The following L3MBTL3 variants were observed in gnomAD, a reference collection of about 807,000 sequenced individuals.
L3MBTL3 encodes the protein lethal(3)malignant brain tumor-like protein 3.
Under a neutral mutation model 102.3 loss-of-function variants are expected in L3MBTL3, and 27 were observed. The observed-to-expected ratio is 0.26, with a 90% CI of 0.19 to 0.36. The LOEUF (loss-of-function observed/expected upper bound fraction) is 0.36, where lower values mean the gene tolerates loss of function less well. L3MBTL3 is among the 10% of genes least tolerant of loss of function. The probability of loss-of-function intolerance (pLI) is 1.00; values close to 1 mark genes in which losing one functional copy is unlikely to be tolerated. For missense variants in L3MBTL3, 798 were observed against 955.3 expected (o/e 0.84, Z 2.17); for synonymous variants, 340 against 320.9 (o/e 1.06, Z -0.64).
chr6:130,021,133 A>G (rs1473573704), intron 1 of L3MBTL3, among the ~76,000 whole-genome samples: 1 of 152,094 alleles, frequency 6.6e-6, no homozygotes, highest in Non-Finnish European at 1.5e-5. Context: ...AGTTTTTAGA[A>G]AAACACTGAC....
intron 20 of L3MBTL3, among the ~76,000 whole-genome samples, chr6:130,130,613 G>T (rs1786943635): frequency 6.6e-6 from 1 of 152,120 alleles, no homozygotes; most frequent in Non-Finnish European, 1.5e-5. Flanking sequence ...AAAAGAAAAA[G>T]AGAATAAAAA....
chr6:130,103,658 A>G (rs1485929681), intron 18 of L3MBTL3, among the ~76,000 whole-genome samples: 1 of 152,244 alleles, frequency 6.6e-6, no homozygotes, highest in Non-Finnish European at 1.5e-5. Context: ...GAGATACAGC[A>G]GTTGCCCAGT....
intron 3 of L3MBTL3, among the ~76,000 whole-genome samples, chr6:130,045,892 A>G (rs1296455120): frequency 6.6e-6 from 1 of 152,252 alleles, no homozygotes. Flanking sequence ...GTCCACTGAC[A>G]TTCTTGAAAA....
At chr6:130,128,750 C>G (rs1042700009) in intron 20 of L3MBTL3, among the ~76,000 whole-genome samples, 5 of 152,150 alleles carry the variant, frequency 3.3e-5, no homozygotes, top group Admixed American at 3.3e-4. Flanking sequence ...GATGATAACT[C>G]AGAAGGAATC....
At chr6:130,045,624 A>G (rs928629083) in intron 3 of L3MBTL3, among the ~76,000 whole-genome samples, 8 of 152,192 alleles carry the variant, frequency 5.3e-5, no homozygotes, top group Non-Finnish European at 1.0e-4. Context: ...CACCTGCTAT[A>G]CTGCTGTCTA....
intron 20 of L3MBTL3, among the ~76,000 whole-genome samples, chr6:130,131,910 C>T (rs1452160050): frequency 6.6e-6 from 1 of 152,118 alleles, no homozygotes; most frequent in Admixed American, 6.6e-5. Flanking sequence ...GTATCTTGTC[C>T]ACATCTCCTA....
At chr6:130,132,176 C>T (rs932758909) in intron 20 of L3MBTL3, among the ~76,000 whole-genome samples, 9 of 152,132 alleles carry the variant, frequency 5.9e-5, no homozygotes, top group African/African-American at 2.2e-4. Flanking sequence ...AAAAACCATA[C>T]AAGAAAGAGA....
At chr6:130,039,359 A>G (rs936251359) in intron 2 of L3MBTL3, among the ~76,000 whole-genome samples, 2 of 152,128 alleles carry the variant, frequency 1.3e-5, no homozygotes, top group Non-Finnish European at 2.9e-5. Context: ...AAAATATCCA[A>G]TTTGGCATTC....
chr6:130,018,982 A>G (rs1383426455), intron 1 of L3MBTL3, among the ~76,000 whole-genome samples: 1 of 151,826 alleles, frequency 6.6e-6, no homozygotes, highest in Non-Finnish European at 1.5e-5. Flanking sequence ...AGAGGAACAA[A>G]AGAGAGAGAA....
rs559854825 is a variant in L3MBTL3 at position 130,083,628 on chromosome 6, A to G, written c.1330A>G (p.Asn444Asp). The G allele has an allele frequency of 6.6e-6, 10 of 1,503,936 alleles. 1 individual carries two copies. In the South Asian group the frequency reaches 9.9e-5, roughly 15 times the overall value. The allele number at this position is 1,503,936 out of a possible 1,614,324, so 93.2% of individuals were successfully genotyped here. A position where few individuals can be genotyped will look rare whatever the true frequency, so the allele number is the denominator to read the frequency against. Residue 444 changes from asparagine to aspartate, a missense_variant, in exon 15 of 23, where the codon AAT becomes GAT. Asn to Asp is a conservative substitution (Grantham distance 23). Transcript: ENST00000361794. ...RTLITPPGYP[N>D]VKHFSWDKYL... The stretch of plus-strand genomic sequence containing the variant: ...ACATTTTTCTTTCTTAGGTTATCCA[A>G]ATGTGAAACATTTTTCTTGGGATAA...
At chr6:130,110,711 C>T (rs1301456401) in intron 19 of L3MBTL3, among the ~76,000 whole-genome samples, 1 of 152,270 alleles carries the variant, frequency 6.6e-6, no homozygotes, top group South Asian at 2.1e-4. Flanking sequence ...TTGCCCTGGC[C>T]AGAACTTCCA....
intron 19 of L3MBTL3, among the ~76,000 whole-genome samples, chr6:130,117,467 C>T (rs9492457): frequency 0.5 from 76,594 of 151,806 alleles, 20,480 homozygotes; most frequent in African/African-American, 0.66. Context: ...CCAGAGTGTA[C>T]TGTAACATTA....
At chr6:130,049,582 T>G (rs1304485213) in intron 4 of L3MBTL3, 174 bp from the exon 5 acceptor site, 7 of 700,334 alleles carry the variant, frequency 1.0e-5, no homozygotes, top group Middle Eastern at 2.4e-4. Context: ...ATAAACTGTC[T>G]TCTTTGTCCT....
chr6:130,114,335 A>G (rs769491302), intron 19 of L3MBTL3, among the ~76,000 whole-genome samples: 9 of 152,276 alleles, frequency 5.9e-5, no homozygotes, highest in South Asian at 2.1e-4. Flanking sequence ...ATCTTACTCT[A>G]TCTCCTTGAA....
intron 10 of L3MBTL3, among the ~76,000 whole-genome samples, chr6:130,060,363 A>T (rs569848152): frequency 1.3e-5 from 2 of 152,286 alleles, no homozygotes; most frequent in Admixed American, 6.5e-5. Flanking sequence ...GAAGTGATGG[A>T]TACAAGACCA....
At chr6:130,116,962 T>TTTAG (rs1785736570) in intron 19 of L3MBTL3, among the ~76,000 whole-genome samples, 3 of 138,542 alleles carry the variant, frequency 2.2e-5, no homozygotes, top group African/African-American at 9.3e-5. Flanking sequence ...TATTTATTTA[T>TTTAG]TTATTTATTT....
intron 20 of L3MBTL3, among the ~76,000 whole-genome samples, chr6:130,127,559 A>C (rs967073590): frequency 6.6e-6 from 1 of 152,204 alleles, no homozygotes; most frequent in Non-Finnish European, 1.5e-5. Context: ...TATGGTAAAC[A>C]ATAGAGGCAG....
At chr6:130,101,835 A>G (rs1337166627) in intron 18 of L3MBTL3, among the ~76,000 whole-genome samples, 1 of 152,190 alleles carries the variant, frequency 6.6e-6, no homozygotes, top group Non-Finnish European at 1.5e-5. Context: ...ATGAACTCTG[A>G]ATTAGGATCC....
intron 17 of L3MBTL3, among the ~76,000 whole-genome samples, chr6:130,093,062 G>A (rs914737674): frequency 5.3e-5 from 8 of 152,152 alleles, no homozygotes; most frequent in Non-Finnish European, 1.2e-4. Flanking sequence ...AAAGTAAAGC[G>A]TGTATAGACA....
Sources: gnomAD v4.1 joint callset for allele counts (sites outside exome capture counted in the v4.1 genomes callset) on GRCh38, gnomAD v4.1.1 for gene constraint, MANE v1.5 for transcripts, NCBI Gene and HGNC (gene_info 2026-07-23, HGNC 2026-07-21) for gene names.